Variants in CNTNAP5 observed in about 807,000 individuals in gnomAD.
The protein encoded by CNTNAP5 is contactin associated protein family member 5.
CNTNAP5 carries 72 observed loss-of-function variants against 150.2 expected under a neutral mutation model. That is an observed-to-expected ratio of 0.48 (90% CI 0.40 to 0.58). The LOEUF (loss-of-function observed/expected upper bound fraction) is 0.58, where lower values mean the gene tolerates loss of function less well. Ranked by LOEUF, CNTNAP5 falls within the 20% of genes least tolerant of loss-of-function variation. The probability of loss-of-function intolerance (pLI) is 0.00; values close to 1 mark genes in which losing one functional copy is unlikely to be tolerated. For synonymous variants in CNTNAP5, 672 were observed against 619.8 expected (o/e 1.08, Z -1.25); for missense variants, 1,636 against 1,626.2 (o/e 1.01, Z -0.10).
At chr2:124,161,285 GGTCTTCATGACTCCAATGTCATA>G (rs1684671805) in intron 1 of CNTNAP5, among the ~76,000 whole-genome samples, 1 of 152,130 alleles carries the variant, frequency 6.6e-6, no homozygotes, top group Admixed American at 6.6e-5. Flanking sequence ...ACGAAAACTT[GGTCTTCATGACTCCAATGTCATA>G]GTGCACTCTA....
In CNTNAP5 at chr2:124,368,828, T is replaced by C. The variant is rs537894960; in HGVS notation, c.382-48615T>C. On this transcript the variant is annotated intron_variant, in intron 3 of 23. Coordinates refer to ENST00000682447, the MANE Select transcript of CNTNAP5 (RefSeq NM_001367498.1). ...TAAGAACAAAAAATATTTATTTATA[T>C]AGGCATAAGATATCTCTGAAAAGAC... 2.0e-5 allele frequency among the ~76,000 whole-genome samples: 3 copies of C among 152,264 alleles called. No homozygotes were observed. In the South Asian group the frequency reaches 6.2e-4, roughly 32 times the overall value.
intron 8 of CNTNAP5, among the ~76,000 whole-genome samples, chr2:124,523,533 G>A (rs2104885895): frequency 6.6e-6 from 1 of 152,310 alleles, no homozygotes; most frequent in Middle Eastern, 3.4e-3. Context: ...AGGTAGGTCA[G>A]CAGCACAGGG....
chr2:124,433,202 A>G (rs978488217), intron 4 of CNTNAP5, among the ~76,000 whole-genome samples: 1 of 152,156 alleles, frequency 6.6e-6, no homozygotes, highest in Non-Finnish European at 1.5e-5. Flanking sequence ...CCTAGTTGAG[A>G]TAACAGTCAT....
chr2:124,257,672 A>T (rs1687346031), intron 3 of CNTNAP5, among the ~76,000 whole-genome samples: 1 of 152,058 alleles, frequency 6.6e-6, no homozygotes, highest in African/African-American at 2.4e-5. Flanking sequence ...TTTCTGGGTC[A>T]TCTCTTCGGA....
chr2:124,633,319 A>G (rs897810628), intron 12 of CNTNAP5, among the ~76,000 whole-genome samples: 1 of 152,236 alleles, frequency 6.6e-6, no homozygotes, highest in Non-Finnish European at 1.5e-5. Context: ...ATGGGGTTAT[A>G]GGCATTTGGT....
chr2:124,535,585 A>C (rs888239095), intron 10 of CNTNAP5, among the ~76,000 whole-genome samples: 2 of 146,510 alleles, frequency 1.4e-5, no homozygotes, highest in Non-Finnish European at 3.0e-5. Context: ...AACATGGTGA[A>C]ACCCCGTCTC....
chr2:124,310,138 G>A lies in CNTNAP5; in HGVS notation c.381+67745G>A, dbSNP rs139250692. On this transcript the variant is annotated intron_variant, in intron 3 of 23. Coordinates refer to ENST00000682447, the MANE Select transcript of CNTNAP5 (RefSeq NM_001367498.1). ...TAGTTTATGCATAAGAATCTCCCAG[G>A]GTGTTTATTGTAACTGCAGATTTCT... 4.6e-5 allele frequency among the ~76,000 whole-genome samples: 7 copies of A among 152,028 alleles called. No homozygotes were observed. In the East Asian group the frequency reaches 1.2e-3, roughly 25 times the overall value.
At chr2:124,906,126 G>A (rs189574368) in intron 22 of CNTNAP5, among the ~76,000 whole-genome samples, 7 of 152,178 alleles carry the variant, frequency 4.6e-5, no homozygotes, top group African/African-American at 7.2e-5. Flanking sequence ...AATACACTGA[G>A]ATAAAACCAA....
At chr2:124,165,646 T>C (rs896675457) in intron 1 of CNTNAP5, among the ~76,000 whole-genome samples, 1 of 152,136 alleles carries the variant, frequency 6.6e-6, no homozygotes, top group African/African-American at 2.4e-5. Flanking sequence ...AAAGACCAAG[T>C]TTCTGAATGG....
At chr2:124,096,780 T>C (rs1206071577) in intron 1 of CNTNAP5, among the ~76,000 whole-genome samples, 1 of 152,084 alleles carries the variant, frequency 6.6e-6, no homozygotes, top group Non-Finnish European at 1.5e-5. Flanking sequence ...CTTGACTCAC[T>C]GCAACCTCCA....
Position 124,742,651 on chromosome 2 carries a change from C to T in CNTNAP5, c.2078-4578C>T, listed in dbSNP as rs763516410. ...ACACACACACACACACACACACACA[C>T]ATATATATATATATGTAATTTGAGT... On this transcript the variant is annotated intron_variant, in intron 13 of 23. Transcript: ENST00000682447. Among the ~76,000 whole-genome samples, 329 of 97,256 alleles carry T rather than the reference C, an allele frequency of 3.4e-3. 3 individuals are homozygous for T. The highest frequency in any genetic ancestry group is 0.01 in the African/African-American group (293 of 28,254). The allele number at this position is 97,256 out of a possible 152,430, so 63.8% of individuals were successfully genotyped here.
chr2:124,896,290 T>C (rs1417991623), intron 21 of CNTNAP5, among the ~76,000 whole-genome samples: 1 of 151,370 alleles, frequency 6.6e-6, no homozygotes, highest in Non-Finnish European at 1.5e-5. Context: ...CACACACACA[T>C]ACATGAATGT....
intron 12 of CNTNAP5, among the ~76,000 whole-genome samples, chr2:124,644,488 A>G (rs1293260693): frequency 6.6e-6 from 1 of 152,268 alleles, no homozygotes; most frequent in African/African-American, 2.4e-5. Context: ...ATATTGGTAA[A>G]GCAATTCAAT....
intron 8 of CNTNAP5, among the ~76,000 whole-genome samples, chr2:124,510,301 C>CTATATCTATATATATATATATCTA (rs1553474656): frequency 9.4e-6 from 1 of 106,056 alleles, no homozygotes; most frequent in African/African-American, 3.8e-5. Context: ...ATCTATATAT[C>CTATATCTATATATATATATATCTA]TATATATATA....
At position 124,862,428 on chromosome 2, in the gene CNTNAP5, C is replaced by T. The variant is rs1677545225; in HGVS notation, c.3218-2878C>T. On this transcript the variant is annotated intron_variant, in intron 19 of 23. Transcript: ENST00000682447. The stretch of plus-strand genomic sequence containing the variant: ...CTGTGGAATTATAAACTTGCAATGT[C>T]TATCATTGCTGTCAACCTAATGAAA... Among the ~76,000 whole-genome samples, 5 of 152,312 alleles carry T rather than the reference C, an allele frequency of 3.3e-5. No homozygotes were observed. In the South Asian group the frequency reaches 1.0e-3, roughly 32 times the overall value.
intron 6 of CNTNAP5, among the ~76,000 whole-genome samples, chr2:124,464,026 C>T (rs906236589): frequency 2.0e-5 from 3 of 151,928 alleles, no homozygotes; most frequent in Admixed American, 1.3e-4. Flanking sequence ...GCATGGTGCC[C>T]GATATATAAA....
chr2:124,461,655 T>G (rs1368063083), intron 6 of CNTNAP5, among the ~76,000 whole-genome samples: 1 of 151,800 alleles, frequency 6.6e-6, no homozygotes, highest in Non-Finnish European at 1.5e-5. Context: ...TGTGCACATG[T>G]ACCCTAAAAC....
chr2:124,425,743 A>G (rs993841095), intron 4 of CNTNAP5, among the ~76,000 whole-genome samples: 1 of 152,158 alleles, frequency 6.6e-6, no homozygotes, highest in Non-Finnish European at 1.5e-5. Context: ...CGCATCTTAC[A>G]GTGGCATAGT....
At chr2:124,427,499 C>A (rs1371558870) in intron 4 of CNTNAP5, among the ~76,000 whole-genome samples, 3 of 151,966 alleles carry the variant, frequency 2.0e-5, no homozygotes, top group African/African-American at 7.3e-5. Flanking sequence ...CTCTGTCACC[C>A]AGGCTAGAGT....
Sources: gnomAD v4.1 joint callset for allele counts (sites outside exome capture counted in the v4.1 genomes callset) on GRCh38, gnomAD v4.1.1 for gene constraint, MANE v1.5 for transcripts, NCBI Gene and HGNC (gene_info 2026-07-23, HGNC 2026-07-21) for gene names.